SHANK2: variants seen among roughly 807,000 people sequenced by gnomAD.
The protein encoded by SHANK2 is SH3 and multiple ankyrin repeat domains 2.
A neutral mutation model predicts 133.7 loss-of-function variants in SHANK2; 43 were observed. The ratio of observed to expected loss-of-function variants is 0.32; its 90% CI spans 0.25 to 0.41. SHANK2 has a LOEUF of 0.41. Among genes scored for constraint, SHANK2 ranks in the 10% least tolerant of loss-of-function variants. SHANK2 has a pLI of 1.00. For missense variants in SHANK2, 1,994 were observed against 2,235.8 expected, an observed-to-expected ratio of 0.89 and a Z score of 2.18; for synonymous variants, 1,017 against 952.8, an observed-to-expected ratio of 1.07 and a Z score of -1.24.
At chr11:70,888,312 G>A (rs978442057) in intron 11 of SHANK2, among the ~76,000 whole-genome samples, 3 of 152,228 alleles carry the variant, frequency 2.0e-5, no homozygotes, top group South Asian at 2.1e-4. Flanking sequence ...GAGGACTCAC[G>A]ACATCAAACC....
chr11:70,768,123 C>A (rs1169076399), intron 14 of SHANK2, among the ~76,000 whole-genome samples: 2 of 152,134 alleles, frequency 1.3e-5, no homozygotes, highest in Admixed American at 1.3e-4. Context: ...TGTAAAGTGG[C>A]GACAGCTGCA....
chr11:70,542,501 C>T (rs2059635655), intron 17 of SHANK2, among the ~76,000 whole-genome samples: 1 of 152,192 alleles, frequency 6.6e-6, no homozygotes, highest in Non-Finnish European at 1.5e-5. Flanking sequence ...GTGAGAAAAT[C>T]CATGTGTGTC....
rs189554479 is a variant in SHANK2, at chr11:70,860,513, C to T, written c.1174+35988G>A. Among the ~76,000 whole-genome samples, 6 of 152,300 alleles carry T rather than the reference C, an allele frequency of 3.9e-5. No individual in the cohort carries two copies. In the East Asian group the frequency reaches 7.7e-4, roughly 20 times the overall value. On this transcript the variant is annotated intron_variant, in intron 11 of 25. Coordinates refer to ENST00000601538, the MANE Select transcript of SHANK2 (RefSeq NM_012309.5). ...TATTTCGTCTGTCCATCTTCAATCC[C>T]GATGTGTGCAGTGGGAGACTGCGAG...
intron 6 of SHANK2, among the ~76,000 whole-genome samples, chr11:71,101,812 G>C (rs1288462527): frequency 6.6e-6 from 1 of 152,218 alleles, no homozygotes; most frequent in African/African-American, 2.4e-5. Flanking sequence ...GCTGGGAAGG[G>C]GCTCCCCGTG....
In SHANK2 at chr11:70,515,735, C is replaced by A. The variant is rs1196829495; in HGVS notation, c.2062-12804G>T. Among the ~76,000 whole-genome samples the A allele has an allele frequency of 1.3e-5, 2 of 151,692 alleles. 1 individual carries two copies. Among genetic ancestry groups the A allele is most frequent in the African/African-American group, 4.8e-5 (2 of 41,254 alleles). ...TTCAGGAGGCTGAGGTGGGAGGATC[C>A]CTTGAGGCTGAGGCTGCAGCAAGTC... On this transcript the variant is annotated intron_variant, in intron 17 of 25. Transcript: ENST00000601538.
intron 17 of SHANK2, among the ~76,000 whole-genome samples, chr11:70,578,590 G>A (rs1465484416): frequency 2.0e-5 from 3 of 152,196 alleles, no homozygotes; most frequent in East Asian, 1.9e-4. Flanking sequence ...AGTAGACAGC[G>A]TGTCCCCGAG....
chr11:71,230,669 C>T lies in SHANK2; in HGVS notation c.-112-5873G>A, dbSNP rs995907444. Among the ~76,000 whole-genome samples, 3 of 151,830 alleles carry T rather than the reference C, an allele frequency of 2.0e-5. No homozygotes were observed. In the East Asian group the frequency reaches 5.8e-4, roughly 29 times the overall value. ...GGGAGGAAATCAGTATACTCAGCTTCAAGATTTATTATACAGTATAGTAAT... is the reference window on the plus strand; with the variant it reads ...GGGAGGAAATCAGTATACTCAGCTTTAAGATTTATTATACAGTATAGTAAT... On this transcript the variant is annotated intron_variant, in intron 1 of 25. Transcript: ENST00000601538.
chr11:71,242,236 G>T (rs1163773539), intron 1 of SHANK2, among the ~76,000 whole-genome samples: 2 of 152,114 alleles, frequency 1.3e-5, no homozygotes, highest in Non-Finnish European at 2.9e-5. Context: ...GGAGAAGGGG[G>T]CTGGTTTGCT....
At chr11:71,232,651 T>C (rs1954763055) in intron 1 of SHANK2, among the ~76,000 whole-genome samples, 1 of 152,178 alleles carries the variant, frequency 6.6e-6, no homozygotes, top group Admixed American at 6.5e-5. Context: ...GTGAATGTAT[T>C]TTCTCTTCTT....
chr11:71,079,463 A>G (rs1951263270), intron 8 of SHANK2, among the ~76,000 whole-genome samples: 1 of 152,200 alleles, frequency 6.6e-6, no homozygotes, highest in Non-Finnish European at 1.5e-5. Context: ...TTACAATTTT[A>G]AAAAGAAAGT....
chr11:70,873,120 AATGAT>A, intron 11 of SHANK2: 1 of 471,224 alleles, frequency 2.1e-6, no homozygotes, highest in Non-Finnish European at 4.4e-6. Context: ...CAGTTTATAG[AATGAT>A]ATGTTTGTGG....
chr11:70,745,177 CTT>C (rs1246236394), intron 14 of SHANK2, among the ~76,000 whole-genome samples: 1 of 152,250 alleles, frequency 6.6e-6, no homozygotes, highest in Non-Finnish European at 1.5e-5. Flanking sequence ...CAACCAATGA[CTT>C]AGAAGGCCCC....
intron 9 of SHANK2, among the ~76,000 whole-genome samples, chr11:71,059,340 C>T (rs933173777): frequency 6.6e-5 from 10 of 151,956 alleles, no homozygotes; most frequent in African/African-American, 1.9e-4. Flanking sequence ...CTAAGGTTGA[C>T]GGTTGTGATG....
At chr11:70,510,887 C>T (rs1008347926) in intron 17 of SHANK2, among the ~76,000 whole-genome samples, 36 of 152,226 alleles carry the variant, frequency 2.4e-4, no homozygotes, top group African/African-American at 8.7e-4. Flanking sequence ...AGTGGCAGCA[C>T]CTACTCCTTG....
chr11:71,125,346 A>C (rs1952161857), intron 3 of SHANK2, among the ~76,000 whole-genome samples: 1 of 152,230 alleles, frequency 6.6e-6, no homozygotes, highest in African/African-American at 2.4e-5. Flanking sequence ...ATGCAAACAA[A>C]ATGTTCCTGA....
intron 21 of SHANK2, 111 bp from the exon 22 acceptor site, chr11:70,492,576 G>T: frequency 7.1e-7 from 1 of 1,399,190 alleles, no homozygotes. Context: ...CTGTGCAGGG[G>T]GCATTTGTTG....
At chr11:71,084,507 T>C (rs969848684) in intron 8 of SHANK2, among the ~76,000 whole-genome samples, 17 of 152,194 alleles carry the variant, frequency 1.1e-4, no homozygotes, top group African/African-American at 4.1e-4. Flanking sequence ...GCGCAGGCTC[T>C]CCCACACGAT....
chr11:70,952,641 A>G (rs1950861041), intron 10 of SHANK2: 1 of 257,800 alleles, frequency 3.9e-6, no homozygotes, highest in Non-Finnish European at 8.7e-6. Context: ...GTTGGTGGCA[A>G]ACAGCAGAGA....
chr11:70,636,675 G>A (rs927731834), intron 17 of SHANK2, among the ~76,000 whole-genome samples: 9 of 141,876 alleles, frequency 6.3e-5, no homozygotes, highest in African/African-American at 2.0e-4. Context: ...GAGCACGTGT[G>A]AGCATCTGTG....
Sources: allele counts gnomAD v4.1 joint callset (sites outside exome capture counted in the v4.1 genomes callset), GRCh38; gene constraint gnomAD v4.1.1; transcripts MANE v1.5; gene names NCBI Gene and HGNC (gene_info 2026-07-23, HGNC 2026-07-21).